The following FILIP1L variants were observed in gnomAD, a reference collection of about 807,000 sequenced individuals.
The protein encoded by FILIP1L is filamin A-interacting protein 1-like.
FILIP1L carries 55 observed loss-of-function variants against 96.6 expected under a neutral mutation model. The observed-to-expected ratio is 0.57, with a 90% CI of 0.46 to 0.71. FILIP1L has a LOEUF of 0.71. FILIP1L is among the 30% of genes least tolerant of loss of function. The pLI is 0.00. For missense variants in FILIP1L, 1,304 were observed against 1,321.2 expected (o/e 0.99, Z 0.20); for synonymous variants, 467 against 473.9 (o/e 0.99, Z 0.19).
intron 1 of FILIP1L, among the ~76,000 whole-genome samples, chr3:100,033,567 ACTGCCC>A (rs1480077472): frequency 6.6e-6 from 1 of 152,236 alleles, no homozygotes; most frequent in African/African-American, 2.4e-5. Context: ...CAAATCATGT[ACTGCCC>A]CTCAACTGCA....
intron 4 of FILIP1L, among the ~76,000 whole-genome samples, chr3:99,859,578 G>C (rs577021577): frequency 6.6e-6 from 1 of 152,180 alleles, no homozygotes; most frequent in East Asian, 1.9e-4. Flanking sequence ...TTTTATATCT[G>C]CTCTCACAGC....
chr3:99,888,788 G>A (rs1367712405), intron 4 of FILIP1L, among the ~76,000 whole-genome samples: 3 of 152,070 alleles, frequency 2.0e-5, no homozygotes, highest in Admixed American at 6.6e-5. Context: ...TCATTTTGAT[G>A]TTTCATAAAT....
intron 1 of FILIP1L, among the ~76,000 whole-genome samples, chr3:99,984,871 A>G (rs1313010145): frequency 6.6e-6 from 1 of 152,242 alleles, no homozygotes; most frequent in Non-Finnish European, 1.5e-5. Flanking sequence ...AGCACAGTAT[A>G]TAGATATTAA....
Position 99,848,453 on chromosome 3 carries a change from C to T in FILIP1L, c.3223G>A (p.Ala1075Thr), listed in dbSNP as rs1399994844. ...GGGCTGGCAGGTCTCACAGGGCTGG[C>T]TACAGCTTGCATGTAAGGACTTCCT... Reference protein sequence around the residue: ...HLGSPYMQAVASPVRPASPSA... With the variant: ...HLGSPYMQAVTSPVRPASPSA... Residue 1075 changes from alanine (A) to threonine (T), a missense_variant, in exon 5 of 6, where the codon GCC (alanine) becomes ACC (threonine). Physicochemically the swap from Ala to Thr is moderately conservative, Grantham distance 58 (BLOSUM62 0). Coordinates refer to ENST00000477258, the MANE Select transcript of FILIP1L (RefSeq NM_001387850.1). The T allele has an allele frequency of 6.2e-7, 1 of 1,614,164 alleles. No homozygotes were observed.
chr3:99,973,474 A>G (rs1559709715), intron 1 of FILIP1L, among the ~76,000 whole-genome samples: 1 of 152,206 alleles, frequency 6.6e-6, no homozygotes. Context: ...ATAAATACAT[A>G]TGAAAATTCC....
intron 1 of FILIP1L, among the ~76,000 whole-genome samples, chr3:100,070,516 A>G (rs2065743290): frequency 6.6e-6 from 1 of 152,250 alleles, no homozygotes; most frequent in Non-Finnish European, 1.5e-5. Context: ...AAACTTACAG[A>G]TAAACCTTGT....
intron 4 of FILIP1L, among the ~76,000 whole-genome samples, chr3:99,892,793 A>T (rs948759925): frequency 6.6e-6 from 1 of 152,246 alleles, no homozygotes; most frequent in African/African-American, 2.4e-5. Context: ...AGAGAATGAC[A>T]TAACTAGCTT....
At chr3:100,026,211 T>C (rs2064917780) in intron 1 of FILIP1L, among the ~76,000 whole-genome samples, 1 of 152,156 alleles carries the variant, frequency 6.6e-6, no homozygotes, top group Non-Finnish European at 1.5e-5. Context: ...ATGGCCTGTT[T>C]TAAAATACTT....
intron 1 of FILIP1L, among the ~76,000 whole-genome samples, chr3:100,104,343 G>A (rs753524619): frequency 6.6e-5 from 10 of 152,152 alleles, no homozygotes; most frequent in South Asian, 2.1e-4. Flanking sequence ...CACAAAGCCC[G>A]TTAACTACAT....
chr3:100,038,030 C>T (rs1351477331), intron 1 of FILIP1L, among the ~76,000 whole-genome samples: 1 of 150,564 alleles, frequency 6.6e-6, no homozygotes, highest in African/African-American at 2.4e-5. Flanking sequence ...TCTCGGCTCA[C>T]TGCAACCTCT....
At chr3:100,092,222 T>C (rs1336144607) in intron 1 of FILIP1L, among the ~76,000 whole-genome samples, 1 of 152,192 alleles carries the variant, frequency 6.6e-6, no homozygotes, top group Non-Finnish European at 1.5e-5. Context: ...GTAAATATTC[T>C]ATAACAGTAT....
intron 1 of FILIP1L, among the ~76,000 whole-genome samples, chr3:100,030,016 T>A (rs1420822649): frequency 6.6e-6 from 1 of 152,090 alleles, no homozygotes; most frequent in African/African-American, 2.4e-5. Flanking sequence ...GCTTCACATT[T>A]CTCTAGCATG....
intron 1 of FILIP1L, among the ~76,000 whole-genome samples, chr3:99,995,904 A>C (rs1295205121): frequency 6.6e-6 from 1 of 152,194 alleles, no homozygotes; most frequent in African/African-American, 2.4e-5. Context: ...ATTTTCTCGT[A>C]GGCCTCTGGG....
chr3:99,872,983 G>A (rs543751427), intron 4 of FILIP1L, among the ~76,000 whole-genome samples: 2 of 152,042 alleles, frequency 1.3e-5, no homozygotes, highest in African/African-American at 4.8e-5. Flanking sequence ...AATCTGCTAG[G>A]AATTAGTGTA....
intron 1 of FILIP1L, among the ~76,000 whole-genome samples, chr3:99,963,736 C>T (rs1234946332): frequency 6.6e-6 from 1 of 151,956 alleles, no homozygotes; most frequent in Non-Finnish European, 1.5e-5. Context: ...CCTGTCTCAG[C>T]TTCCTGAGTA....
intron 1 of FILIP1L, among the ~76,000 whole-genome samples, chr3:99,988,157 G>T (rs536339854): frequency 4.3e-4 from 65 of 151,848 alleles, no homozygotes; most frequent in African/African-American, 1.5e-3. Flanking sequence ...AAAGAATTGT[G>T]GGATCTTTTA....
At chr3:99,908,886 G>A (rs1005188949) in intron 4 of FILIP1L, among the ~76,000 whole-genome samples, 1 of 152,060 alleles carries the variant, frequency 6.6e-6, no homozygotes, top group African/African-American at 2.4e-5. Flanking sequence ...GTGTGTGTGT[G>A]TGTTCTTTCT....
chr3:99,933,394 T>G (rs1410631321), intron 1 of FILIP1L, among the ~76,000 whole-genome samples: 1 of 152,260 alleles, frequency 6.6e-6, no homozygotes, highest in East Asian at 1.9e-4. Flanking sequence ...TATTTTTGTG[T>G]AGGAATGGGA....
chr3:99,912,281 T>C (rs888467626), intron 4 of FILIP1L, among the ~76,000 whole-genome samples: 2 of 152,218 alleles, frequency 1.3e-5, no homozygotes, highest in African/African-American at 4.8e-5. Flanking sequence ...TTATGTGAAA[T>C]GCCCAGAATA....
Sources: allele counts gnomAD v4.1 joint callset (sites outside exome capture counted in the v4.1 genomes callset), GRCh38; gene constraint gnomAD v4.1.1; transcripts MANE v1.5; gene names NCBI Gene and HGNC (gene_info 2026-07-23, HGNC 2026-07-21).